Variants in GSE1 observed in about 807,000 individuals in gnomAD.
GSE1 encodes the protein genetic suppressor element 1.
A neutral mutation model predicts 112.6 loss-of-function variants in GSE1; 32 were observed. The observed-to-expected ratio is 0.28, with a 90% CI of 0.21 to 0.38. GSE1 has a LOEUF of 0.38. Ranked by LOEUF, GSE1 falls within the 10% of genes least tolerant of loss-of-function variation. The pLI is 1.00. For missense variants in GSE1, 2,348 were observed against 1,699.2 expected, an observed-to-expected ratio of 1.38 and a Z score of -6.71; for synonymous variants, 1,115 against 735.6, an observed-to-expected ratio of 1.52 and a Z score of -8.35.
At chr16:85,387,104 C>A (rs940378393) in intron 2 of GSE1, among the ~76,000 whole-genome samples, 1 of 152,208 alleles carries the variant, frequency 6.6e-6, no homozygotes, top group Non-Finnish European at 1.5e-5. Flanking sequence ...CACTGCCCGA[C>A]CACCGTGGTT....
chr16:85,606,044 G>A (rs527965598), intron 1 of GSE1, among the ~76,000 whole-genome samples: 176 of 152,232 alleles, frequency 1.2e-3, no homozygotes, highest in African/African-American at 4.1e-3. Context: ...GGGCTTGGCC[G>A]CCAGCCCCTG....
At chr16:85,463,446 G>T (rs1168311189) in intron 2 of GSE1, among the ~76,000 whole-genome samples, 1 of 152,026 alleles carries the variant, frequency 6.6e-6, no homozygotes, top group Non-Finnish European at 1.5e-5. Context: ...CGGGCACCGG[G>T]CTTGCTGCAC....
chr16:85,456,085 C>G (rs373107188), intron 2 of GSE1, among the ~76,000 whole-genome samples: 7 of 152,222 alleles, frequency 4.6e-5, no homozygotes, highest in African/African-American at 1.7e-4. Flanking sequence ...CCTCTCAACT[C>G]ATCCTCATCT....
chr16:85,206,559 C>T (rs955063168), intron 1 of GSE1, among the ~76,000 whole-genome samples: 1 of 152,134 alleles, frequency 6.6e-6, no homozygotes, highest in African/African-American at 2.4e-5. Flanking sequence ...AGCTGCAAGC[C>T]AGGTGGGGCT....
At chr16:85,230,874 G>C (rs1410257131) in intron 1 of GSE1, among the ~76,000 whole-genome samples, 1 of 146,298 alleles carries the variant, frequency 6.8e-6, no homozygotes, top group Non-Finnish European at 1.5e-5. Flanking sequence ...TGGATGAGTG[G>C]ACGGACAGAG....
chr16:85,439,511 C>T (rs1186318077), intron 2 of GSE1, among the ~76,000 whole-genome samples: 2 of 150,792 alleles, frequency 1.3e-5, no homozygotes, highest in South Asian at 4.2e-4. Flanking sequence ...GAGGCACTCA[C>T]AGGCGGGGAA....
At chr16:85,665,633 G>A (rs973675917) in intron 12 of GSE1, among the ~76,000 whole-genome samples, 3 of 152,222 alleles carry the variant, frequency 2.0e-5, no homozygotes, top group African/African-American at 7.2e-5. Context: ...AGATGTCAGA[G>A]GGAATCTTTA....
rs557891969 is a variant in GSE1 at position 85,633,800 on chromosome 16, G to A, written c.8-114G>A. On this transcript the variant is annotated intron_variant, in intron 1 of 15. Transcript: ENST00000253458. Reference sequence around the variant, plus strand: ...TCTTGCTTGTCCTGCTGGAGCCCCCGGGGCTGCCCCTGCTCCCTGCCTGCT... The same window carrying A: ...TCTTGCTTGTCCTGCTGGAGCCCCCAGGGCTGCCCCTGCTCCCTGCCTGCT... The A allele has an allele frequency of 1.3e-3, 927 of 732,468 alleles. 6 individuals carry two copies. Among genetic ancestry groups the A allele is most frequent in the Admixed American group, 3.5e-3 (144 of 41,606 alleles). The allele number at this position is 732,468 out of a possible 1,614,324, so 45.4% of individuals were successfully genotyped here. A position where few individuals can be genotyped will look rare whatever the true frequency, so the allele number is the denominator to read the frequency against.
chr16:85,639,898 G>A (rs902719526), intron 2 of GSE1, among the ~76,000 whole-genome samples: 3 of 151,072 alleles, frequency 2.0e-5, no homozygotes, highest in Non-Finnish European at 3.0e-5. Flanking sequence ...GGAGGTACGG[G>A]GAGCCTTGCG....
intron 2 of GSE1, among the ~76,000 whole-genome samples, chr16:85,512,126 C>T (rs1451494571): frequency 2.6e-5 from 4 of 152,250 alleles, no homozygotes; most frequent in South Asian, 2.1e-4. Context: ...CACTGTTCTG[C>T]GAGTCCACAG....
rs3054201 is a variant in GSE1 at position 85,482,977 on chromosome 16, C to CAAAAAAAAAAAAAAAA, written c.2464+125339_2464+125354dup. Among the ~76,000 whole-genome samples the CAAAAAAAAAAAAAAAA allele has an allele frequency of 5.2e-4, 25 of 48,286 alleles. 2 individuals are homozygous for CAAAAAAAAAAAAAAAA. The highest frequency in any genetic ancestry group is 1.8e-3 in the African/African-American group (25 of 14,122). 31.7% of individuals were successfully genotyped at this position (48,286 alleles called of 152,430 possible). On this transcript the variant is annotated intron_variant, in intron 2 of 2. Transcript: ENST00000637419. ...AGGATGACAGAGTGAGACTCCGTCT[C>CAAAAAAAAAAAAAAAA]AAAAAAAAAAAAAAAAAAAATACCA...
chr16:85,336,089 G>GGT (rs979975864), intron 1 of GSE1, among the ~76,000 whole-genome samples: 2 of 152,176 alleles, frequency 1.3e-5, no homozygotes, highest in Admixed American at 1.3e-4. Context: ...CCCTGCCCCG[G>GGT]GTTCAGGCCA....
chr16:85,197,053 C>T (rs1186537516), intron 1 of GSE1, among the ~76,000 whole-genome samples: 1 of 152,134 alleles, frequency 6.6e-6, no homozygotes, highest in African/African-American at 2.4e-5. Flanking sequence ...CCTGTGGGGT[C>T]AGACGAGGGG....
chr16:85,266,188 C>T (rs1323389082), intron 1 of GSE1, among the ~76,000 whole-genome samples: 1 of 152,126 alleles, frequency 6.6e-6, no homozygotes, highest in Non-Finnish European at 1.5e-5. Context: ...CAAACTTGTC[C>T]CTGTTTCTGG....
chr16:85,623,540 T>G (rs985836509), intron 1 of GSE1, among the ~76,000 whole-genome samples: 4 of 152,174 alleles, frequency 2.6e-5, no homozygotes, highest in Admixed American at 2.6e-4. Context: ...CAAGCCCTTT[T>G]TGCTCTGCCC....
At chr16:85,530,790 G>T (rs578116404) in intron 2 of GSE1, among the ~76,000 whole-genome samples, 3 of 152,262 alleles carry the variant, frequency 2.0e-5, no homozygotes, top group African/African-American at 7.2e-5. Flanking sequence ...TGAGATAGTT[G>T]GGTGTCATCG....
At chr16:85,325,172 G>C (rs1009589871) in intron 1 of GSE1, among the ~76,000 whole-genome samples, 1 of 151,980 alleles carries the variant, frequency 6.6e-6, no homozygotes. Context: ...GTCTCACTGT[G>C]TTCCCAGGCT....
chr16:85,626,288 T>C (rs915879064), intron 1 of GSE1, among the ~76,000 whole-genome samples: 4 of 152,274 alleles, frequency 2.6e-5, no homozygotes, highest in Admixed American at 6.5e-5. Context: ...AGGGCAGATA[T>C]GATAATGAAT....
chr16:85,379,823 C>T (rs1382710353), intron 2 of GSE1, among the ~76,000 whole-genome samples: 4 of 152,216 alleles, frequency 2.6e-5, no homozygotes, highest in African/African-American at 4.8e-5. Context: ...CGCTGTGCTC[C>T]TCCCCCAGCT....
Sources: gnomAD v4.1 joint callset for allele counts (sites outside exome capture counted in the v4.1 genomes callset) on GRCh38, gnomAD v4.1.1 for gene constraint, MANE v1.5 for transcripts, NCBI Gene and HGNC (gene_info 2026-07-23, HGNC 2026-07-21) for gene names.